Variants in CAT observed in about 807,000 individuals in gnomAD.
CAT encodes epididymis secretory sperm binding protein.
A neutral mutation model predicts 59.0 loss-of-function variants in CAT; 43 were observed. That is an observed-to-expected ratio of 0.73 (90% CI 0.57 to 0.94). The LOEUF is 0.94. Ranked by LOEUF, CAT falls within the 40% of genes least tolerant of loss-of-function variation. The probability of loss-of-function intolerance (pLI) is 0.00; values close to 1 mark genes in which losing one functional copy is unlikely to be tolerated. For synonymous variants in CAT, 218 were observed against 230.9 expected (o/e 0.94, Z 0.51); for missense variants, 664 against 682.9 (o/e 0.97, Z 0.31).
intron 6 of CAT, 108 bp downstream of exon 6, chr11:34,454,034 T>C: frequency 8.4e-7 from 1 of 1,191,490 alleles, no homozygotes; most frequent in Non-Finnish European, 1.2e-6. Context: ...TTCCCTCACC[T>C]CCATCCCCAA....
At position 34,445,534 on chromosome 11, in the gene CAT, A is replaced by G. The variant is rs183570116; in HGVS notation, c.67-3658A>G. Among the ~76,000 whole-genome samples the G allele has an allele frequency of 1.2e-3, 171 of 145,354 alleles. 4 individuals carry two copies. Among genetic ancestry groups the G allele is most frequent in the Admixed American group, 0.011 (161 of 14,618 alleles). On this transcript the variant is annotated intron_variant, in intron 1 of 12. Transcript: ENST00000241052. ...AAAAAAAAAAAAAAGAAAAACAGTGACATAAACAGGCAATTACAATATTTT... is the reference window on the plus strand; with the variant it reads ...AAAAAAAAAAAAAAGAAAAACAGTGGCATAAACAGGCAATTACAATATTTT...
intron 8 of CAT, 39 bp downstream of exon 8, chr11:34,456,856 C>T (rs778306273): frequency 1.2e-6 from 2 of 1,605,390 alleles, no homozygotes; most frequent in Non-Finnish European, 1.7e-6. Context: ...GGCAGGTGTC[C>T]ATGTGAGCAT....
chr11:34,444,303 G>A (rs954593557), intron 1 of CAT, among the ~76,000 whole-genome samples: 2 of 152,178 alleles, frequency 1.3e-5, no homozygotes. Flanking sequence ...AGGATTTATA[G>A]TAAATAGGGG....
intron 11 of CAT, chr11:34,468,618 T>C: frequency 1.7e-6 from 1 of 596,706 alleles, no homozygotes; most frequent in Non-Finnish European, 3.0e-6. Context: ...GTCCAGTGTG[T>C]ACTAATTTAG....
At chr11:34,454,053 A>G (rs1434257212) in intron 6 of CAT, 127 bp downstream of exon 6, 3 of 979,982 alleles carry the variant, frequency 3.1e-6, no homozygotes, top group African/African-American at 1.6e-5. Context: ...AAAGTTGGGA[A>G]GTATTGATCT....
intron 2 of CAT, among the ~76,000 whole-genome samples, chr11:34,450,561 C>T (rs535500267): frequency 1.3e-5 from 2 of 152,204 alleles, no homozygotes; most frequent in Admixed American, 6.5e-5. Flanking sequence ...TGTATTTTTC[C>T]ATCTTGACTT....
rs535687729 is a variant in CAT at position 34,440,809 on chromosome 11, C to T, written c.66+1730C>T. On this transcript the variant is annotated intron_variant, in intron 1 of 12. Transcript: ENST00000241052. ...AACTCCTGACCTCAGGAGATCTGCCCGCCTTGGCCTCCCAAAGTACCGAGA... is the reference window on the plus strand; with the variant it reads ...AACTCCTGACCTCAGGAGATCTGCCTGCCTTGGCCTCCCAAAGTACCGAGA... Among the ~76,000 whole-genome samples the T allele has an allele frequency of 1.8e-3, 269 of 152,144 alleles. 2 individuals carry two copies. The highest frequency in any genetic ancestry group is 2.9e-3 in the Non-Finnish European group (194 of 67,994).
In CAT at chr11:34,456,615, A is replaced by G. The variant is rs201415464; in HGVS notation, c.904-50A>G. The stretch of plus-strand genomic sequence containing the variant: ...TCTGGTATTTTTGTGGGTAGCTTTG[A>G]TTTCCTTCAGTTGATTGCCTGGTAA... On this transcript the variant is annotated intron_variant, in intron 7 of 12. Coordinates refer to ENST00000241052, the MANE Select transcript of CAT (RefSeq NM_001752.4). 20 of 1,584,452 alleles carry G rather than the reference A, an allele frequency of 1.3e-5. No homozygotes were observed. The East Asian group carries it at 4.5e-4, about 35-fold the overall frequency.
At chr11:34,460,307 C>T (rs966933836) in intron 8 of CAT, among the ~76,000 whole-genome samples, 1 of 152,096 alleles carries the variant, frequency 6.6e-6, no homozygotes, top group Non-Finnish European at 1.5e-5. Flanking sequence ...ATAATTTAAT[C>T]TTAGATTGAT....
chr11:34,461,216 C>T (rs1199749493), intron 8 of CAT, 35 bp from the exon 9 acceptor site: 1 of 1,610,656 alleles, frequency 6.2e-7, no homozygotes, highest in Non-Finnish European at 8.5e-7. Flanking sequence ...TATGTTACTG[C>T]CCCTAGTCAG....
chr11:34,446,011 C>A (rs1396608962), intron 1 of CAT, among the ~76,000 whole-genome samples: 1 of 152,188 alleles, frequency 6.6e-6, no homozygotes, highest in African/African-American at 2.4e-5. Context: ...CCCACCCTCT[C>A]ATTTCATCTA....
At position 34,471,703 on chromosome 11, in the gene CAT, C is replaced by T. The variant is rs1856776014; in HGVS notation, c.*270C>T. 1 of 469,616 alleles carries T rather than the reference C, an allele frequency of 2.1e-6. No homozygotes were observed. The highest frequency in any genetic ancestry group is 4.0e-5 in the East Asian group (1 of 25,260). The allele number at this position is 469,616 out of a possible 1,614,324, so 29.1% of individuals were successfully genotyped here. ...TTTAAAATGATTAGAAGGCAAGTTTCTAGCTAGAAATATGATTTTATTTGA... is the reference window on the plus strand; with the variant it reads ...TTTAAAATGATTAGAAGGCAAGTTTTTAGCTAGAAATATGATTTTATTTGA... On this transcript the variant is annotated 3_prime_UTR_variant, in exon 13 of 13. Transcript: ENST00000241052.
chr11:34,449,408 C>T, intron 2 of CAT, 45 bp downstream of exon 2: 5 of 1,538,738 alleles, frequency 3.2e-6, no homozygotes, highest in Non-Finnish European at 4.5e-6. Context: ...TTTCACAGCA[C>T]CTGGGTCAAG....
At position 34,461,298 on chromosome 11, in the gene CAT, C is replaced by T; in HGVS notation, c.1104C>T (p.Pro368=). The change falls in exon 9 of 13, where the codon CCC becomes CCT. Residue 368 remains proline, a synonymous_variant. Transcript: ENST00000241052. ...YPDTHRHRLG[P]NYLHIPVNCP... ...ACACTCACCGCCATCGCCTGGGACC[C>T]AATTATCTTCATATACCTGTGAACT... 2 of 1,614,200 alleles carry T rather than the reference C, an allele frequency of 1.2e-6. No individual in the cohort carries two copies. Among genetic ancestry groups the T allele is most frequent in the Non-Finnish European group, 1.7e-6 (2 of 1,180,034 alleles).
At chr11:34,457,120 G>A (rs191944922) in intron 8 of CAT, among the ~76,000 whole-genome samples, 1,783 of 150,008 alleles carry the variant, frequency 0.012, 24 homozygotes, top group South Asian at 0.04. Flanking sequence ...TATTGATAGA[G>A]TGAAGCATGG....
intron 1 of CAT, among the ~76,000 whole-genome samples, chr11:34,443,793 A>G (rs1189491031): frequency 6.6e-6 from 1 of 152,068 alleles, no homozygotes; most frequent in Non-Finnish European, 1.5e-5. Flanking sequence ...GAGGGTCTAT[A>G]TTTTTTTAGG....
In CAT at chr11:34,452,133, T is replaced by G; in HGVS notation, c.406T>G (p.Phe136Val). 1 of 1,613,766 alleles carries G rather than the reference T, an allele frequency of 6.2e-7. No individual in the cohort carries two copies. Among genetic ancestry groups the G allele is most frequent in the Non-Finnish European group, 8.5e-7 (1 of 1,179,732 alleles). The change falls in exon 4 of 13, where the codon TTT (phenylalanine) becomes GTT (valine). Residue 136 changes from phenylalanine (F) to valine (V), a missense_variant. Phe to Val is a conservative substitution (Grantham distance 50). Transcript: ENST00000241052. ...GGACCCTCGTGGGTTTGCAGTGAAA[T>G]TTTACACAGAAGATGGTAACTGGGA... The part of the protein sequence containing the change: ...VRDPRGFAVK[F>V]YTEDGNWDLV...
At chr11:34,442,917 A>G (rs369526793) in intron 1 of CAT, among the ~76,000 whole-genome samples, 6 of 152,162 alleles carry the variant, frequency 3.9e-5, no homozygotes, top group Admixed American at 6.5e-5. Context: ...TGACTCTACT[A>G]TATTATCCAA....
rs1282724769 is a variant in CAT at position 34,456,125 on chromosome 11, T to A, written c.826T>A (p.Ser276Thr). 2 of 1,614,020 alleles carry A rather than the reference T, an allele frequency of 1.2e-6. No individual in the cohort carries two copies. Among genetic ancestry groups the A allele is most frequent in the African/African-American group, 2.7e-5 (2 of 75,040 alleles). Residue 276 changes from serine (S) to threonine (T), a missense_variant, in exon 7 of 13, where the codon TCC (serine) becomes ACC (threonine). Ser to Thr is a moderately conservative substitution (Grantham distance 58). Coordinates refer to ENST00000241052, the MANE Select transcript of CAT (RefSeq NM_001752.4). ...CGCCATTGCCACAGGAAAGTACCCC[T>A]CCTGGACTTTTTACATCCAGGTCAT... ...FNAIATGKYP[S>T]WTFYIQVMTF...
Sources: allele counts gnomAD v4.1 joint callset (sites outside exome capture counted in the v4.1 genomes callset), GRCh38; gene constraint gnomAD v4.1.1; transcripts MANE v1.5; gene names NCBI Gene and HGNC (gene_info 2026-07-23, HGNC 2026-07-21).